Variants in NINL observed in about 807,000 individuals in gnomAD.
NINL encodes the protein ninein-like protein.
NINL carries 153 observed loss-of-function variants against 160.3 expected under a neutral mutation model. The ratio of observed to expected loss-of-function variants is 0.95; its 90% confidence interval spans 0.84 to 1.09. NINL has a LOEUF of 1.09. NINL is among the 50% of genes least tolerant of loss of function. NINL has a pLI of 0.00. For synonymous variants in NINL, 800 were observed against 734.8 expected (o/e 1.09, Z -1.43); for missense variants, 1,829 against 1,764.0 (o/e 1.04, Z -0.66).
Position 25,509,809 on chromosome 20 carries a change from T to C in NINL, c.517+865A>G, listed in dbSNP as rs776933453. ...AATACTCTAGGATTCATAATTAATA[T>C]ATTTGTTTGCTTTTTAATGTCAAGG... On this transcript the variant is annotated intron_variant, in intron 5 of 23. Transcript: ENST00000278886. 2.4e-4 allele frequency: 100 copies of C among 421,410 alleles called. 1 individual carries two copies. Among genetic ancestry groups the C allele is most frequent in the Non-Finnish European group, 1.0e-4 (22 of 214,276 alleles). 26.1% of individuals were successfully genotyped at this position (421,410 alleles called of 1,614,324 possible).
intron 1 of NINL, among the ~76,000 whole-genome samples, chr20:25,581,732 TAA>T (rs2147212176): frequency 6.6e-6 from 1 of 152,336 alleles, no homozygotes; most frequent in Non-Finnish European, 1.5e-5. Context: ...GAACTCACTG[TAA>T]AAGGGGAAGC....
chr20:25,510,210 T>C (rs2064041946), intron 5 of NINL, among the ~76,000 whole-genome samples: 1 of 152,192 alleles, frequency 6.6e-6, no homozygotes, highest in African/African-American at 2.4e-5. Flanking sequence ...TTACACTCCA[T>C]TTGTGAGACA....
chr20:25,496,781 T>G lies in NINL; in HGVS notation c.1192A>C (p.Arg398=), dbSNP rs774039420. The G allele has an allele frequency of 2.2e-5, 35 of 1,613,888 alleles. No homozygotes were observed. Among genetic ancestry groups the G allele is most frequent in the Non-Finnish European group, 2.8e-5 (33 of 1,180,018 alleles). Residue 398 remains arginine, a synonymous_variant, in exon 10 of 24, where the codon AGG becomes CGG. Transcript: ENST00000278886. Reference sequence around the variant, plus strand: ...TCCTGCCTTGCCTTGTCACGCTCCCTTGCCAGCTGCTCCACCTGCCCTCTG... The same window carrying G: ...TCCTGCCTTGCCTTGTCACGCTCCCGTGCCAGCTGCTCCACCTGCCCTCTG... ...YQQGQVEQLA[R]ERDKARQDLE...
In NINL at chr20:25,496,792, T is replaced by C. The variant is rs1282911938; in HGVS notation, c.1181A>G (p.Glu394Gly). The C allele has an allele frequency of 2.5e-6, 4 of 1,613,882 alleles. No homozygotes were observed. Among genetic ancestry groups the C allele is most frequent in the Non-Finnish European group, 3.4e-6 (4 of 1,179,978 alleles). Reference protein sequence around the residue: ...QELSYQQGQVEQLARERDKAR... With the variant: ...QELSYQQGQVGQLARERDKAR... The stretch of plus-strand genomic sequence containing the variant: ...CTTGTCACGCTCCCTTGCCAGCTGC[T>C]CCACCTGCCCTCTGCCACAGGAAGG... Residue 394 changes from glutamate (E) to glycine (G), a missense_variant, in exon 10 of 24, where the codon GAG (glutamate) becomes GGG (glycine). Coordinates refer to ENST00000278886, the MANE Select transcript of NINL (RefSeq NM_025176.6).
At chr20:25,548,257 A>G (rs2064759548) in intron 1 of NINL, among the ~76,000 whole-genome samples, 1 of 152,164 alleles carries the variant, frequency 6.6e-6, no homozygotes. Flanking sequence ...CTATCAAATG[A>G]GGAAGCCAAA....
chr20:25,475,563 C>A (rs2063210801), intron 17 of NINL, among the ~76,000 whole-genome samples: 1 of 152,182 alleles, frequency 6.6e-6, no homozygotes, highest in African/African-American at 2.4e-5. Flanking sequence ...CTTCTGGGAA[C>A]AACAATGAAA....
chr20:25,513,549 T>C (rs2064113145), intron 3 of NINL, among the ~76,000 whole-genome samples: 1 of 152,180 alleles, frequency 6.6e-6, no homozygotes, highest in Non-Finnish European at 1.5e-5. Flanking sequence ...CCTAGCACAC[T>C]CTCACCAGAA....
At chr20:25,582,316 A>G (rs2065183820) in intron 1 of NINL, among the ~76,000 whole-genome samples, 2 of 151,982 alleles carry the variant, frequency 1.3e-5, no homozygotes, top group South Asian at 4.1e-4. Context: ...CTATTCCTCT[A>G]TAAAGTGCTT....
chr20:25,495,316 C>A (rs1163117341), intron 10 of NINL, among the ~76,000 whole-genome samples: 1 of 152,232 alleles, frequency 6.6e-6, no homozygotes, highest in African/African-American at 2.4e-5. Context: ...ACCCTGGGGA[C>A]TCCGCAGCAC....
intron 21 of NINL, among the ~76,000 whole-genome samples, chr20:25,460,430 G>A (rs1300218819): frequency 1.3e-5 from 2 of 152,158 alleles, no homozygotes; most frequent in Non-Finnish European, 2.9e-5. Context: ...GGCAGGCGTG[G>A]CCCCAGGGGT....
At chr20:25,503,566 A>G (rs1482152268) in intron 7 of NINL, among the ~76,000 whole-genome samples, 1 of 149,070 alleles carries the variant, frequency 6.7e-6, no homozygotes, top group African/African-American at 2.5e-5. Flanking sequence ...GCACCTGAGC[A>G]GCACGTTCCT....
intron 7 of NINL, among the ~76,000 whole-genome samples, chr20:25,503,513 C>T (rs554602485): frequency 1.5e-5 from 2 of 133,956 alleles, no homozygotes; most frequent in East Asian, 2.4e-4. Context: ...CTGAGCAGCA[C>T]GTTCCTCACC....
intron 1 of NINL, among the ~76,000 whole-genome samples, chr20:25,585,098 G>A (rs1026005197): frequency 6.6e-6 from 1 of 152,136 alleles, no homozygotes; most frequent in Non-Finnish European, 1.5e-5. Context: ...TCATTACCAC[G>A]GGGGGCCCCG....
At chr20:25,464,439 A>C (rs2062862249) in intron 19 of NINL, among the ~76,000 whole-genome samples, 1 of 152,016 alleles carries the variant, frequency 6.6e-6, no homozygotes, top group South Asian at 2.1e-4. Flanking sequence ...CAAACAAACA[A>C]ACAAACACAC....
intron 10 of NINL, among the ~76,000 whole-genome samples, chr20:25,493,694 A>G (rs1459889944): frequency 6.6e-6 from 1 of 152,032 alleles, no homozygotes; most frequent in Non-Finnish European, 1.5e-5. Context: ...GGTGGGAATG[A>G]TAACGCTACA....
At chr20:25,453,861 G>T (rs1011975121) in intron 23 of NINL, among the ~76,000 whole-genome samples, 3 of 151,970 alleles carry the variant, frequency 2.0e-5, no homozygotes, top group Non-Finnish European at 4.4e-5. Context: ...CCATCCTGGC[G>T]AACACGGTGA....
chr20:25,470,693 C>A (rs995728123), intron 17 of NINL, among the ~76,000 whole-genome samples: 1 of 152,086 alleles, frequency 6.6e-6, no homozygotes, highest in East Asian at 1.9e-4. Context: ...GGCAATTTAC[C>A]AATGAAGATC....
intron 1 of NINL, among the ~76,000 whole-genome samples, chr20:25,555,696 G>A (rs904097406): frequency 1.3e-5 from 2 of 151,736 alleles, no homozygotes; most frequent in African/African-American, 2.4e-5. Flanking sequence ...TGAGGCCTCC[G>A]TGTCTATCTT....
Position 25,498,280 on chromosome 20 carries a change from G to A in NINL, c.1099C>T (p.Leu367Phe), listed in dbSNP as rs1049339159. 1 of 1,613,342 alleles carries A rather than the reference G, an allele frequency of 6.2e-7. No individual in the cohort carries two copies. Among genetic ancestry groups the A allele is most frequent in the African/African-American group, 1.3e-5 (1 of 74,922 alleles). ...LELTWALDNE[L>F]MTVDSAVQQA... ...TGGACGGCACTGTCCACTGTCATGA[G>A]CTCGTTGTCAAGGGCCCAGGTCAGC... Residue 367 changes from leucine to phenylalanine, a missense_variant, in exon 9 of 24, where the codon CTC becomes TTC. Transcript: ENST00000278886.
Sources: allele counts gnomAD v4.1 joint callset (sites outside exome capture counted in the v4.1 genomes callset), GRCh38; gene constraint gnomAD v4.1.1; transcripts MANE v1.5; gene names NCBI Gene and HGNC (gene_info 2026-07-23, HGNC 2026-07-21).